The following ZNF561 variants were observed in gnomAD, a reference collection of about 807,000 sequenced individuals.
The protein encoded by ZNF561 is zinc finger protein 561.
In ZNF561, 16 loss-of-function variants were observed where a neutral mutation model predicts 16.7. The observed-to-expected ratio is 0.96, with a 90% confidence interval of 0.65 to 1.45. ZNF561 has a LOEUF of 1.45. Among genes scored for constraint, ZNF561 ranks in the 40% most tolerant of loss-of-function variants. The probability of loss-of-function intolerance (pLI) is 0.00; values close to 1 mark genes in which losing one functional copy is unlikely to be tolerated. For synonymous variants in ZNF561, 190 were observed against 192.1 expected (o/e 0.99, Z 0.09); for missense variants, 580 against 578.0 (o/e 1.00, Z -0.04).
rs1488766124 is a variant in ZNF561, at chr19:9,611,040, C to T, written c.621G>A (p.Lys207=). Residue 207 remains lysine (K), a synonymous_variant, in exon 6 of 6, where the codon AAG becomes AAA. Coordinates refer to ENST00000302851, the MANE Select transcript of ZNF561 (RefSeq NM_152289.3). ...YKCKECGKGF[K]YFASLDNHMG... is the part of the protein sequence containing the mutation. ...TATGATTATCAAGGCTTGCAAAATA[C>T]TTAAAGCCTTTTCCACATTCCTTAC... is the stretch of plus-strand genomic sequence containing the variant. 18 of 1,614,090 alleles carry T rather than the reference C, an allele frequency of 1.1e-5. No homozygotes were observed. Among genetic ancestry groups the T allele is most frequent in the Non-Finnish European group, 1.5e-5 (18 of 1,180,016 alleles).
chr19:9,616,350 C>T (rs2074553748), intron 4 of ZNF561, among the ~76,000 whole-genome samples: 2 of 151,924 alleles, frequency 1.3e-5, no homozygotes, highest in South Asian at 4.2e-4. Flanking sequence ...GGCGCAATCT[C>T]AGCTCACTGC....
intron 4 of ZNF561, among the ~76,000 whole-genome samples, chr19:9,615,436 A>C (rs1283914988): frequency 6.6e-6 from 1 of 151,410 alleles, no homozygotes; most frequent in Non-Finnish European, 1.5e-5. Flanking sequence ...TTCTCTACTA[A>C]AAATACAAAA....
chr19:9,615,614 T>G (rs556446621), intron 4 of ZNF561, among the ~76,000 whole-genome samples: 1 of 145,798 alleles, frequency 6.9e-6, no homozygotes, highest in African/African-American at 2.6e-5. Flanking sequence ...AATAAATAAA[T>G]AAAGTAAGTA....
intron 2 of ZNF561, chr19:9,619,150 G>A (rs981587890): frequency 1.0e-5 from 2 of 195,154 alleles, no homozygotes; most frequent in Admixed American, 1.2e-4. Flanking sequence ...CCAGATACTT[G>A]GGAGGCTGAG....
chr19:9,617,005 G>T, intron 4 of ZNF561, 40 bp downstream of exon 4: 1 of 1,581,676 alleles, frequency 6.3e-7, no homozygotes, highest in Non-Finnish European at 8.6e-7. Context: ...GGGACTACAG[G>T]TGCAGGCCAC....
chr19:9,619,471 G>A lies in ZNF561; in HGVS notation c.-15C>T. 1 of 1,612,806 alleles carries A rather than the reference G, an allele frequency of 6.2e-7. No individual in the cohort carries two copies. The highest frequency in any genetic ancestry group is 8.5e-7 in the Non-Finnish European group (1 of 1,179,184). On this transcript the variant is annotated 5_prime_UTR_variant, in exon 2 of 6. Transcript: ENST00000302851. ...ATGGCTGCCATTCTCTGAAGCTGAT[G>A]GTGTGATGATGTGCATCCCTTCCTT...
At chr19:9,616,385 A>G (rs2074554429) in intron 4 of ZNF561, among the ~76,000 whole-genome samples, 1 of 152,088 alleles carries the variant, frequency 6.6e-6, no homozygotes, top group South Asian at 2.1e-4. Context: ...TGTTCAAGCA[A>G]TTCTCCTGTC....
chr19:9,613,723 G>T (rs1458164954), intron 5 of ZNF561, among the ~76,000 whole-genome samples: 1 of 152,130 alleles, frequency 6.6e-6, no homozygotes, highest in Non-Finnish European at 1.5e-5. Flanking sequence ...CACCATGTCG[G>T]CCAGCCTGGT....
chr19:9,614,233 T>C (rs2074513483), intron 4 of ZNF561, 130 bp from the exon 5 acceptor site: 1 of 1,173,946 alleles, frequency 8.5e-7, no homozygotes, highest in Admixed American at 2.5e-5. Flanking sequence ...AGGATTTTGG[T>C]ACATCAAAAA....
At chr19:9,612,077 G>A (rs1274752616) in intron 5 of ZNF561, among the ~76,000 whole-genome samples, 1 of 152,066 alleles carries the variant, frequency 6.6e-6, no homozygotes, top group Non-Finnish European at 1.5e-5. Context: ...ACAGGCATGG[G>A]TCACCATGCC....
chr19:9,613,688 T>C (rs959165218), intron 5 of ZNF561, among the ~76,000 whole-genome samples: 1 of 152,150 alleles, frequency 6.6e-6, no homozygotes, highest in Non-Finnish European at 1.5e-5. Flanking sequence ...CGGCTAATTT[T>C]GTATTCTTAG....
chr19:9,619,220 G>A (rs2074614350), intron 2 of ZNF561: 1 of 279,022 alleles, frequency 3.6e-6, no homozygotes, highest in Non-Finnish European at 6.5e-6. Flanking sequence ...TTGCACCACT[G>A]CACTCCAGCC....
At chr19:9,619,928 ATC>A (rs377690746) in intron 1 of ZNF561, among the ~76,000 whole-genome samples, 1 of 108,710 alleles carries the variant, frequency 9.2e-6, no homozygotes, top group Middle Eastern at 5.2e-3. Flanking sequence ...TATCCTATCT[ATC>A]TATCTATCTA....
intron 2 of ZNF561, among the ~76,000 whole-genome samples, chr19:9,618,461 T>C (rs983401449): frequency 1.3e-5 from 2 of 152,208 alleles, no homozygotes; most frequent in South Asian, 2.1e-4. Context: ...GTGCGGTGCC[T>C]CATGCCTGTA....
Position 9,610,765 on chromosome 19 carries a change from T to C in ZNF561, c.896A>G (p.His299Arg), listed in dbSNP as rs1599218848. Reference sequence around the variant, plus strand: ...TTTTATTCCAGTGTGAATTTGAATGTGATCATTAAGGCATGAGGAATTTCT... The same window carrying C: ...TTTTATTCCAGTGTGAATTTGAATGCGATCATTAAGGCATGAGGAATTTCT... ...SFRNSSCLND[H>R]IQIHTGIKPH... Residue 299 changes from histidine to arginine, a missense_variant, in exon 6 of 6, where the codon CAC becomes CGC. By Grantham distance (29) the His-to-Arg change is conservative. Coordinates refer to ENST00000302851, the MANE Select transcript of ZNF561 (RefSeq NM_152289.3). 16 of 1,614,218 alleles carry C rather than the reference T, an allele frequency of 9.9e-6. No homozygotes were observed. Among genetic ancestry groups the C allele is most frequent in the Non-Finnish European group, 1.4e-5 (16 of 1,180,028 alleles).
intron 3 of ZNF561, 32 bp downstream of exon 3, chr19:9,618,059 T>C: frequency 7.2e-6 from 11 of 1,533,582 alleles, no homozygotes; most frequent in Non-Finnish European, 9.7e-6. Flanking sequence ...TGAAAGCATA[T>C]CATTTTTAAC....
chr19:9,619,366 G>A lies in ZNF561; in HGVS notation c.25+66C>T, dbSNP rs1343723100. The A allele has an allele frequency of 1.0e-5, 16 of 1,559,622 alleles. No homozygotes were observed. The East Asian group carries it at 3.7e-4, about 36-fold the overall frequency. On this transcript the variant is annotated intron_variant, in intron 2 of 5. Transcript: ENST00000302851. Reference sequence around the variant, plus strand: ...ATGCCTGCTCAGGCTCAGCTCACTGGACGCTTGTGTTGTGGAGGGTGACCT... The same window carrying A: ...ATGCCTGCTCAGGCTCAGCTCACTGAACGCTTGTGTTGTGGAGGGTGACCT...
At chr19:9,619,225 C>A in intron 2 of ZNF561, 1 of 292,168 alleles carries the variant, frequency 3.4e-6, no homozygotes, top group Non-Finnish European at 6.1e-6. Flanking sequence ...CCACTGCACT[C>A]CAGCCTGGGT....
chr19:9,620,632 C>G (rs966016929), intron 1 of ZNF561, among the ~76,000 whole-genome samples: 6 of 152,160 alleles, frequency 3.9e-5, no homozygotes, highest in Non-Finnish European at 7.3e-5. Flanking sequence ...GTTACCCCCC[C>G]GCCATATGAC....
Sources: gnomAD v4.1 joint callset for allele counts (sites outside exome capture counted in the v4.1 genomes callset) on GRCh38, gnomAD v4.1.1 for gene constraint, MANE v1.5 for transcripts, NCBI Gene and HGNC (gene_info 2026-07-23, HGNC 2026-07-21) for gene names.